The following ESRRG variants were observed in gnomAD, a reference collection of about 807,000 sequenced individuals.
ESRRG encodes estrogen-related receptor gamma.
A neutral mutation model predicts 44.0 loss-of-function variants in ESRRG; 13 were observed. The observed-to-expected ratio is 0.30, with a 90% confidence interval of 0.19 to 0.47. The LOEUF is 0.47. ESRRG is among the 20% of genes least tolerant of loss of function. ESRRG has a pLI of 1.00. For missense variants in ESRRG, 395 were observed against 580.6 expected (o/e 0.68, Z 3.29); for synonymous variants, 215 against 214.6 (o/e 1.00, Z -0.02).
intron 2 of ESRRG, among the ~76,000 whole-genome samples, chr1:216,866,670 C>T (rs918770588): frequency 2.6e-5 from 4 of 151,738 alleles, no homozygotes; most frequent in African/African-American, 7.3e-5. Context: ...TCCTAGGCTC[C>T]GGTGATCCTC....
intron 2 of ESRRG, among the ~76,000 whole-genome samples, chr1:216,765,181 A>G (rs2093011948): frequency 6.6e-6 from 1 of 152,108 alleles, no homozygotes; most frequent in Non-Finnish European, 1.5e-5. Context: ...CTGGAGGGGC[A>G]GGTGGAAGAT....
chr1:216,939,373 C>T (rs1463402846), intron 2 of ESRRG, among the ~76,000 whole-genome samples: 10 of 58,298 alleles, frequency 1.7e-4, no homozygotes, highest in Non-Finnish European at 2.8e-4. Flanking sequence ...AAAAAAAACA[C>T]TTTAAAGGCA....
At chr1:216,740,048 C>G (rs971123836) in intron 2 of ESRRG, among the ~76,000 whole-genome samples, 9 of 152,104 alleles carry the variant, frequency 5.9e-5, no homozygotes, top group Non-Finnish European at 8.8e-5. Context: ...GAAGAACAGC[C>G]CCTTGGATCA....
intron 3 of ESRRG, among the ~76,000 whole-genome samples, chr1:216,596,549 G>A (rs2058475814): frequency 6.6e-6 from 1 of 152,108 alleles, no homozygotes; most frequent in African/African-American, 2.4e-5. Context: ...GAGAGTGGGA[G>A]GAGAACAGAC....
chr1:216,860,369 AG>A (rs1481523930), intron 2 of ESRRG, among the ~76,000 whole-genome samples: 1 of 152,174 alleles, frequency 6.6e-6, no homozygotes, highest in African/African-American at 2.4e-5. Context: ...ATTGGAGGCA[AG>A]GGAGATTTAT....
chr1:216,740,639 A>G (rs142748762), intron 2 of ESRRG, among the ~76,000 whole-genome samples: 2,118 of 152,144 alleles, frequency 0.014, 42 homozygotes, highest in African/African-American at 0.047. Context: ...TTAAAAAAAA[A>G]AAGAAGAAAG....
At chr1:216,622,726 C>G (rs1466293472) in intron 3 of ESRRG, among the ~76,000 whole-genome samples, 4 of 152,076 alleles carry the variant, frequency 2.6e-5, no homozygotes, top group Non-Finnish European at 5.9e-5. Flanking sequence ...TTTATAAGCT[C>G]AGAATTTTCC....
chr1:216,968,053 T>A (rs955657981), intron 1 of ESRRG, among the ~76,000 whole-genome samples: 4 of 152,200 alleles, frequency 2.6e-5, no homozygotes, highest in African/African-American at 9.6e-5. Context: ...GTAAGTTTTC[T>A]GCTCTGGTCT....
intron 1 of ESRRG, among the ~76,000 whole-genome samples, chr1:217,045,028 A>G (rs2084604219): frequency 6.6e-6 from 1 of 152,232 alleles, no homozygotes; most frequent in Non-Finnish European, 1.5e-5. Flanking sequence ...CATTCTTTAT[A>G]AAAAATAGCT....
At chr1:216,648,057 T>C (rs1016312290) in intron 3 of ESRRG, among the ~76,000 whole-genome samples, 1 of 152,292 alleles carries the variant, frequency 6.6e-6, no homozygotes, top group East Asian at 1.9e-4. Context: ...CAGGTTTACA[T>C]TTGAATAGAT....
intron 1 of ESRRG, among the ~76,000 whole-genome samples, chr1:217,104,993 A>G (rs1326889075): frequency 6.6e-6 from 1 of 152,188 alleles, no homozygotes; most frequent in Non-Finnish European, 1.5e-5. Context: ...GTGTGAATTC[A>G]GTTGGACAGT....
chr1:216,816,419 T>C (rs2095139139), intron 2 of ESRRG, among the ~76,000 whole-genome samples: 1 of 152,208 alleles, frequency 6.6e-6, no homozygotes, highest in Admixed American at 6.5e-5. Context: ...CAATTTTTAT[T>C]TGTCAATTTA....
chr1:217,013,689 A>C (rs1257196517), intron 1 of ESRRG, among the ~76,000 whole-genome samples: 1 of 152,188 alleles, frequency 6.6e-6, no homozygotes, highest in East Asian at 1.9e-4. Context: ...TGAAGTATAC[A>C]TTAGCAACAC....
chr1:216,523,505 T>A (rs199784617), intron 5 of ESRRG, among the ~76,000 whole-genome samples: 46 of 67,970 alleles, frequency 6.8e-4, no homozygotes, highest in Non-Finnish European at 1.2e-3. Context: ...TTTTTTTGTT[T>A]TTTTTTTTTT....
chr1:217,040,082 A>T (rs1352405845), intron 1 of ESRRG, among the ~76,000 whole-genome samples: 1 of 152,218 alleles, frequency 6.6e-6, no homozygotes, highest in Non-Finnish European at 1.5e-5. Context: ...AACAATGGCT[A>T]AATTATTTTA....
At chr1:216,568,681 A>G (rs2060125599) in intron 3 of ESRRG, among the ~76,000 whole-genome samples, 2 of 152,198 alleles carry the variant, frequency 1.3e-5, no homozygotes, top group African/African-American at 4.8e-5. Context: ...AATGTTATTT[A>G]CATTTTGGCA....
intron 1 of ESRRG, among the ~76,000 whole-genome samples, chr1:216,951,892 T>A (rs973946099): frequency 1.3e-5 from 2 of 150,020 alleles, no homozygotes; most frequent in African/African-American, 4.9e-5. Context: ...TATGTTTGCA[T>A]ATATATATAT....
At chr1:216,681,954 G>T (rs1026269135) in intron 1 of ESRRG, 1 of 152,130 alleles carries the variant, frequency 6.6e-6, no homozygotes, top group Non-Finnish European at 1.5e-5. Context: ...CCACATGCAC[G>T]TGCTGATGTT....
chr1:216,739,415 T>C (rs2090389848), intron 2 of ESRRG, among the ~76,000 whole-genome samples: 1 of 152,174 alleles, frequency 6.6e-6, no homozygotes, highest in Non-Finnish European at 1.5e-5. Flanking sequence ...GACTTTCTAT[T>C]TGAGGTTAAC....
Sources: allele counts gnomAD v4.1 joint callset (sites outside exome capture counted in the v4.1 genomes callset), GRCh38; gene constraint gnomAD v4.1.1; transcripts MANE v1.5; gene names NCBI Gene and HGNC (gene_info 2026-07-23, HGNC 2026-07-21).